GLT1D1: variants seen among roughly 807,000 people sequenced by gnomAD.
GLT1D1 encodes glycosyltransferase 1 domain containing 1, also known as glycosyltransferase 1 domain-containing protein 1.
Under a neutral mutation model 28.7 loss-of-function variants are expected in GLT1D1, and 21 were observed. That is an observed-to-expected ratio of 0.73 (90% CI 0.52 to 1.05). The LOEUF (loss-of-function observed/expected upper bound fraction) is 1.05, where lower values mean the gene tolerates loss of function less well. Among genes scored for constraint, GLT1D1 ranks in the 50% least tolerant of loss-of-function variants. The probability of loss-of-function intolerance (pLI) is 0.00; values close to 1 mark genes in which losing one functional copy is unlikely to be tolerated. For synonymous variants in GLT1D1, 147 were observed against 124.8 expected, an observed-to-expected ratio of 1.18 and a Z score of -1.19; for missense variants, 343 against 330.6, an observed-to-expected ratio of 1.04 and a Z score of -0.29.
chr12:128,888,544 TG>T, intron 2 of GLT1D1, 94 bp from the exon 3 acceptor site: 1 of 766,200 alleles, frequency 1.3e-6, no homozygotes, highest in Non-Finnish European at 2.2e-6. Flanking sequence ...TCCGGCGATC[TG>T]GGAACTTCAG....
chr12:128,948,190 C>T (rs995051748), intron 6 of GLT1D1, among the ~76,000 whole-genome samples: 1 of 152,182 alleles, frequency 6.6e-6, no homozygotes, highest in Non-Finnish European at 1.5e-5. Flanking sequence ...GGACCACCTA[C>T]ATCTCTTCTC....
At chr12:128,893,987 C>T (rs1445346852) in intron 3 of GLT1D1, among the ~76,000 whole-genome samples, 3 of 152,150 alleles carry the variant, frequency 2.0e-5, no homozygotes, top group African/African-American at 7.2e-5. Flanking sequence ...TATTTAGCTA[C>T]TTTTCTTTCT....
chr12:128,956,947 A>G (rs1237814431), intron 6 of GLT1D1, among the ~76,000 whole-genome samples: 2 of 152,252 alleles, frequency 1.3e-5, no homozygotes, highest in African/African-American at 4.8e-5. Context: ...CTTTCCGGGC[A>G]GGCGAGGCCA....
intron 7 of GLT1D1, among the ~76,000 whole-genome samples, chr12:128,958,690 C>T (rs1295885490): frequency 1.9e-5 from 2 of 106,612 alleles, no homozygotes; most frequent in Admixed American, 3.0e-4. Context: ...ATGGAGGTTA[C>T]AATGAACCAA....
intron 1 of GLT1D1, among the ~76,000 whole-genome samples, chr12:128,866,380 T>C (rs1956519367): frequency 6.6e-6 from 1 of 151,966 alleles, no homozygotes; most frequent in Non-Finnish European, 1.5e-5. Flanking sequence ...TTGTACTTAT[T>C]ATTTTTTGTA....
intron 7 of GLT1D1, among the ~76,000 whole-genome samples, chr12:128,976,199 T>C (rs1879746065): frequency 6.6e-6 from 1 of 152,184 alleles, no homozygotes; most frequent in Non-Finnish European, 1.5e-5. Context: ...CAAATAATTT[T>C]TGGAAAATGA....
intron 6 of GLT1D1, among the ~76,000 whole-genome samples, chr12:128,952,439 G>T (rs868156456): frequency 1.7e-5 from 2 of 117,190 alleles, no homozygotes; most frequent in Non-Finnish European, 1.8e-5. Flanking sequence ...GGGGGTGGGG[G>T]GGGGTGGGGC....
intron 4 of GLT1D1, 44 bp from the exon 8 acceptor site, chr12:128,927,060 TA>T: frequency 7.0e-7 from 1 of 1,435,798 alleles, no homozygotes; most frequent in Non-Finnish European, 9.5e-7. Context: ...AGCTGTGACT[TA>T]AACCCATTTG....
intron 1 of GLT1D1, among the ~76,000 whole-genome samples, chr12:128,872,249 A>G (rs1429655768): frequency 1.3e-5 from 2 of 152,132 alleles, no homozygotes; most frequent in Non-Finnish European, 2.9e-5. Flanking sequence ...TGGCCGATTC[A>G]AGGGTACTTT....
intron 1 of GLT1D1, among the ~76,000 whole-genome samples, chr12:128,855,252 AC>A (rs1391474560): frequency 8.0e-5 from 12 of 149,498 alleles, no homozygotes; most frequent in Admixed American, 2.0e-4. Context: ...AACAACAACA[AC>A]AACAAAAAAA....
At chr12:128,879,414 C>CTTTCTTTCTTTCTT (rs1956965680) in intron 2 of GLT1D1, among the ~76,000 whole-genome samples, 1 of 94,572 alleles carries the variant, frequency 1.1e-5, no homozygotes, top group Non-Finnish European at 2.1e-5. Context: ...TTCTTTCTTT[C>CTTTCTTTCTTTCTT]TTTCTTTCTT....
rs1025182652 is a variant in GLT1D1, at chr12:128,895,048, G to A, written c.324-4188G>A. 4.0e-5 allele frequency among the ~76,000 whole-genome samples: 6 copies of A among 151,860 alleles called. No homozygotes were observed. The South Asian group carries it at 8.3e-4, about 21-fold the overall frequency. ...TTTTGACATGCTCTCATCATTCATCGTTTTCTGAGCACTTTTCTACTTTCT... is the reference window on the plus strand; with the variant it reads ...TTTTGACATGCTCTCATCATTCATCATTTTCTGAGCACTTTTCTACTTTCT... On this transcript the variant is annotated intron_variant, in intron 3 of 7. Coordinates refer to ENST00000281703, the MANE Select transcript of GLT1D1 (RefSeq NM_144669.3).
chr12:128,922,404 A>T (rs1348229706), intron 4 of GLT1D1, among the ~76,000 whole-genome samples: 1 of 152,080 alleles, frequency 6.6e-6, no homozygotes, highest in Non-Finnish European at 1.5e-5. Flanking sequence ...GTAGGCTTGG[A>T]CTGTTTCTCC....
At chr12:128,898,782 A>G (rs1003544406) in intron 3 of GLT1D1, among the ~76,000 whole-genome samples, 4 of 152,246 alleles carry the variant, frequency 2.6e-5, no homozygotes, top group African/African-American at 7.2e-5. Flanking sequence ...TTCCTAAAGA[A>G]GCAATTGAAA....
chr12:128,927,439 C>T (rs936056059), intron 4 of GLT1D1, among the ~76,000 whole-genome samples: 2 of 151,850 alleles, frequency 1.3e-5, no homozygotes, highest in South Asian at 2.1e-4. Context: ...AGGGTTTCAC[C>T]GTGTTAGCCA....
At chr12:128,960,728 A>G (rs772040101) in intron 7 of GLT1D1, among the ~76,000 whole-genome samples, 5 of 152,114 alleles carry the variant, frequency 3.3e-5, no homozygotes, top group Middle Eastern at 6.8e-3. Flanking sequence ...AGATTGCACC[A>G]GTGCACTCCA....
chr12:128,924,421 G>A (rs1347097573), intron 4 of GLT1D1, among the ~76,000 whole-genome samples: 1 of 140,856 alleles, frequency 7.1e-6, no homozygotes, highest in Non-Finnish European at 1.6e-5. Flanking sequence ...AGTGAGACTT[G>A]GTCTCAAAAA....
intron 1 of GLT1D1, among the ~76,000 whole-genome samples, chr12:128,872,014 C>T (rs1023560401): frequency 2.6e-5 from 4 of 152,026 alleles, no homozygotes; most frequent in African/African-American, 9.7e-5. Flanking sequence ...TGCAGTGGCG[C>T]GATCTCGGCT....
At chr12:128,915,651 C>G (rs1872035814) in intron 4 of GLT1D1, among the ~76,000 whole-genome samples, 1 of 150,304 alleles carries the variant, frequency 6.7e-6, no homozygotes, top group Non-Finnish European at 1.5e-5. Flanking sequence ...GCATGAGCCA[C>G]TGGGCCTGGC....
Sources: gnomAD v4.1 joint callset for allele counts (sites outside exome capture counted in the v4.1 genomes callset) on GRCh38, gnomAD v4.1.1 for gene constraint, MANE v1.5 for transcripts, NCBI Gene and HGNC (gene_info 2026-07-23, HGNC 2026-07-21) for gene names.